Variants in FMN2 observed in about 807,000 individuals in gnomAD.
FMN2 encodes the protein formin-2.
FMN2 carries 51 observed loss-of-function variants against 142.3 expected under a neutral mutation model. That is an observed-to-expected ratio of 0.36 (90% CI 0.29 to 0.45). FMN2 has a LOEUF of 0.45. Among genes scored for constraint, FMN2 ranks in the 20% least tolerant of loss-of-function variants. The pLI, the probability that FMN2 is intolerant of heterozygous loss-of-function variation, is 1.00. For missense variants in FMN2, 1,936 were observed against 2,122.8 expected (o/e 0.91, Z 1.73); for synonymous variants, 882 against 869.8 (o/e 1.01, Z -0.25).
chr1:240,443,511 T>C (rs1049866666), intron 16 of FMN2, among the ~76,000 whole-genome samples: 3 of 152,092 alleles, frequency 2.0e-5, no homozygotes, highest in Non-Finnish European at 4.4e-5. Context: ...GCCAAGCACT[T>C]TGGGAGGCCA....
At chr1:240,372,510 G>T (rs1173219794) in intron 14 of FMN2, among the ~76,000 whole-genome samples, 1 of 150,852 alleles carries the variant, frequency 6.6e-6, no homozygotes, top group Non-Finnish European at 1.5e-5. Context: ...TTTATAGATG[G>T]AATATATTAT....
intron 13 of FMN2, among the ~76,000 whole-genome samples, chr1:240,345,508 T>A (rs933579588): frequency 1.3e-5 from 2 of 152,162 alleles, no homozygotes; most frequent in Admixed American, 1.3e-4. Context: ...TCTTGCTCTG[T>A]CGCCCAGGCT....
chr1:240,347,444 G>A (rs1671944730), intron 13 of FMN2, among the ~76,000 whole-genome samples: 1 of 152,084 alleles, frequency 6.6e-6, no homozygotes, highest in Non-Finnish European at 1.5e-5. Context: ...GGAATCCTCT[G>A]TTCTCCTCCC....
At chr1:240,271,298 C>G (rs1461566917) in intron 7 of FMN2, among the ~76,000 whole-genome samples, 1 of 151,308 alleles carries the variant, frequency 6.6e-6, no homozygotes, top group Non-Finnish European at 1.5e-5. Flanking sequence ...TTTTTCGCTT[C>G]CCTATTAATT....
chr1:240,226,504 A>G (rs1667304613), intron 6 of FMN2, among the ~76,000 whole-genome samples: 1 of 152,224 alleles, frequency 6.6e-6, no homozygotes, highest in Non-Finnish European at 1.5e-5. Flanking sequence ...ATTTGTTGCT[A>G]AAAGACCTGG....
chr1:240,200,206 G>T (rs952328167), intron 4 of FMN2, among the ~76,000 whole-genome samples: 3 of 152,130 alleles, frequency 2.0e-5, no homozygotes, highest in African/African-American at 7.2e-5. Context: ...GGGAGGGTGG[G>T]CCCCCCAGAG....
At position 240,211,220 on chromosome 1, in the gene FMN2, G is replaced by T; in HGVS notation, c.4050G>T (p.Lys1350Asn). Residue 1350 changes from lysine (K) to asparagine (N), a missense_variant, in exon 6 of 18, where the codon AAG becomes AAT. Lys to Asn is a moderately conservative substitution (Grantham distance 94). Around this residue, in one of 8 missense-constraint regions of FMN2, gnomAD observed 259 missense variants for 230.9 expected, o/e 1.12. Coordinates refer to ENST00000319653, the MANE Select transcript of FMN2 (RefSeq NM_020066.5). ...AACCTATCTCTGATACTATCTCAAAGACGAAGGCTAAACAAGTGAGTATTT... is the reference window on the plus strand; with the variant it reads ...AACCTATCTCTGATACTATCTCAAATACGAAGGCTAAACAAGTGAGTATTT... The part of the protein sequence containing the change: ...RKKPISDTIS[K>N]TKAKQVVKLL... The T allele has an allele frequency of 6.2e-7, 1 of 1,611,908 alleles. No homozygotes were observed. The highest frequency in any genetic ancestry group is 8.5e-7 in the Non-Finnish European group (1 of 1,179,558).
chr1:240,216,944 G>A lies in FMN2; in HGVS notation c.4065+5709G>A, dbSNP rs191493210. ...AGCCTGGGCAACAGAGCGAGACTCC[G>A]TCTCAAAAAAAAAAAAAGTTATAAA... On this transcript the variant is annotated intron_variant, in intron 6 of 17. Coordinates refer to ENST00000319653, the MANE Select transcript of FMN2 (RefSeq NM_020066.5). 4.6e-4 allele frequency among the ~76,000 whole-genome samples: 61 copies of A among 133,780 alleles called. 1 individual carries two copies. Among genetic ancestry groups the A allele is most frequent in the African/African-American group, 1.2e-3 (47 of 38,960 alleles). The allele number at this position is 133,780 out of a possible 152,430, so 87.8% of individuals were successfully genotyped here. A position where few individuals can be genotyped will look rare whatever the true frequency, so the allele number is the denominator to read the frequency against.
chr1:240,184,945 C>CCTTCCCCCTTCTCTTTCTCCCTCCTATAA, intron 3 of FMN2, among the ~76,000 whole-genome samples: 52 of 141,018 alleles, frequency 3.7e-4, no homozygotes, highest in African/African-American at 1.1e-3. Flanking sequence ...CCCTCCTATA[C>CCTTCCCCCTTCTCTTTCTCCCTCCTATAA]CTTCCCCTTC....
In FMN2 at chr1:240,092,444, A is replaced by C. The variant is rs761456511; in HGVS notation, c.335A>C (p.His112Pro). Reference protein sequence around the residue: ...ALQTGELDSAHSLLTKTPDLS... With the variant: ...ALQTGELDSAPSLLTKTPDLS... ...CAGACCGGGGAGCTGGACAGCGCTC[A>C]CTCCCTGCTCACCAAGACTCCAGAC... The change falls in exon 1 of 18, where the codon CAC becomes CCC. Residue 112 changes from histidine (H) to proline (P), a missense_variant. Physicochemically the swap from His to Pro is moderately conservative, Grantham distance 77. Coordinates refer to ENST00000319653, the MANE Select transcript of FMN2 (RefSeq NM_020066.5). 1 of 1,610,070 alleles carries C rather than the reference A, an allele frequency of 6.2e-7. No individual in the cohort carries two copies. Among genetic ancestry groups the C allele is most frequent in the African/African-American group, 1.3e-5 (1 of 74,810 alleles).
At chr1:240,182,919 C>CTTTTT (rs66527453) in intron 3 of FMN2, among the ~76,000 whole-genome samples, 9 of 138,354 alleles carry the variant, frequency 6.5e-5, no homozygotes, top group South Asian at 2.3e-4. Context: ...CTTTTCTTTT[C>CTTTTT]TTTTTTTTTT....
intron 4 of FMN2, among the ~76,000 whole-genome samples, chr1:240,205,008 T>G (rs2103380468): frequency 6.6e-6 from 1 of 152,336 alleles, no homozygotes; most frequent in East Asian, 1.9e-4. Context: ...AAGAGTTTAG[T>G]TTTATACTTA....
At chr1:240,151,204 T>C (rs1663757121) in intron 2 of FMN2, among the ~76,000 whole-genome samples, 1 of 152,188 alleles carries the variant, frequency 6.6e-6, no homozygotes, top group South Asian at 2.1e-4. Context: ...ACCTCATTTT[T>C]AAATGATGAT....
chr1:240,208,441 C>T lies in FMN2; in HGVS notation c.3629C>T (p.Pro1210Leu). ...CCTGGTGCTGGGATTCCCCCACCTC[C>T]TCCCTTGCCAGGTATGGGGATTCCA... is the stretch of plus-strand genomic sequence containing the variant. ...PLPGAGIPPPPPLPGMGIPPA... is the reference protein window; with the variant it reads ...PLPGAGIPPPLPLPGMGIPPA... The change falls in exon 5 of 18, where the codon CCT becomes CTT. Residue 1210 changes from proline to leucine, a missense_variant. Coordinates refer to ENST00000319653, the MANE Select transcript of FMN2 (RefSeq NM_020066.5). The T allele has an allele frequency of 1.2e-6, 2 of 1,607,490 alleles. No individual in the cohort carries two copies. Among genetic ancestry groups the T allele is most frequent in the African/African-American group, 1.4e-5 (1 of 74,032 alleles).
intron 15 of FMN2, among the ~76,000 whole-genome samples, chr1:240,403,939 A>T (rs1195363339): frequency 6.6e-6 from 1 of 152,204 alleles, no homozygotes; most frequent in Non-Finnish European, 1.5e-5. Flanking sequence ...TTGTAATGGA[A>T]GAACGCATAT....
intron 14 of FMN2, among the ~76,000 whole-genome samples, chr1:240,370,239 T>C (rs1672818515): frequency 6.6e-6 from 1 of 152,222 alleles, no homozygotes; most frequent in Non-Finnish European, 1.5e-5. Context: ...CATTCAATAT[T>C]ACTTTACCCC....
intron 2 of FMN2, among the ~76,000 whole-genome samples, chr1:240,151,225 G>A (rs933029111): frequency 2.1e-4 from 32 of 152,284 alleles, no homozygotes; most frequent in African/African-American, 7.2e-4. Context: ...AATAATAACT[G>A]TAGCCATAAT....
intron 15 of FMN2, among the ~76,000 whole-genome samples, chr1:240,425,226 A>AGAGAGAGAGAGAGAGAGAGAGAGC (rs1441315409): frequency 1.3e-5 from 2 of 151,754 alleles, no homozygotes; most frequent in African/African-American, 4.8e-5. Context: ...AGAGAGAGAG[A>AGAGAGAGAGAGAGAGAGAGAGAGC]GAGAGAGAGC....
At chr1:240,246,520 G>A (rs927784464) in intron 6 of FMN2, among the ~76,000 whole-genome samples, 2 of 152,148 alleles carry the variant, frequency 1.3e-5, no homozygotes, top group Non-Finnish European at 2.9e-5. Flanking sequence ...GGATGTTGGG[G>A]TAGCTTTTCT....
Sources: gnomAD v4.1 joint callset for allele counts (sites outside exome capture counted in the v4.1 genomes callset) on GRCh38, gnomAD v4.1.1 for gene constraint, gnomAD v4.1.1 regional missense constraint, MANE v1.5 for transcripts, NCBI Gene and HGNC (gene_info 2026-07-23, HGNC 2026-07-21) for gene names.